Variants in STXBP5L observed in about 807,000 individuals in gnomAD.
STXBP5L encodes the protein syntaxin binding protein 5L, also known as syntaxin-binding protein 5-like.
STXBP5L carries 65 observed loss-of-function variants against 144.5 expected under a neutral mutation model. The ratio of observed to expected loss-of-function variants is 0.45; its 90% CI spans 0.37 to 0.55. The LOEUF (loss-of-function observed/expected upper bound fraction) is 0.55. Ranked by LOEUF, STXBP5L falls within the 20% of genes least tolerant of loss-of-function variation. The probability of loss-of-function intolerance (pLI) is 0.00; values close to 1 mark genes in which losing one functional copy is unlikely to be tolerated. For synonymous variants in STXBP5L, 505 were observed against 469.6 expected, an observed-to-expected ratio of 1.08 and a Z score of -0.97; for missense variants, 1,298 against 1,405.5, an observed-to-expected ratio of 0.92 and a Z score of 1.22.
chr3:121,401,870 T>C (rs1340024459), intron 22 of STXBP5L, among the ~76,000 whole-genome samples: 3 of 113,102 alleles, frequency 2.7e-5, no homozygotes, highest in Non-Finnish European at 5.3e-5. Context: ...AATGTGCACA[T>C]GTACCCTAAA....
chr3:121,041,160 C>T (rs1947125128), intron 3 of STXBP5L, among the ~76,000 whole-genome samples: 2 of 150,240 alleles, frequency 1.3e-5, no homozygotes, highest in African/African-American at 4.9e-5. Flanking sequence ...ATTTATTTTC[C>T]AGTTTTCTCG....
At position 120,959,120 on chromosome 3, in the gene STXBP5L, G is replaced by A. The variant is rs532992171; in HGVS notation, c.287+4083G>A. 2.5e-3 allele frequency among the ~76,000 whole-genome samples: 380 copies of A among 150,284 alleles called. 2 individuals carry two copies. The highest frequency in any genetic ancestry group is 8.7e-3 in the African/African-American group (357 of 41,250). On this transcript the variant is annotated intron_variant, in intron 3 of 26. Transcript: ENST00000471454. ...TTCTTATACACCAAAAACAGACAGA[G>A]AGCCAAATCATGAGTGAACTCCCAT...
intron 9 of STXBP5L, among the ~76,000 whole-genome samples, chr3:121,166,551 C>T (rs1036019224): frequency 3.3e-5 from 5 of 152,068 alleles, no homozygotes; most frequent in Non-Finnish European, 7.4e-5. Context: ...GGGATAATAT[C>T]CTTTATTTCT....
chr3:121,296,438 G>T (rs2051652868), intron 19 of STXBP5L, among the ~76,000 whole-genome samples: 1 of 152,092 alleles, frequency 6.6e-6, no homozygotes, highest in Non-Finnish European at 1.5e-5. Context: ...TTCCAGATAG[G>T]ATGTTAAAAG....
chr3:120,959,266 G>A (rs1221548422), intron 3 of STXBP5L, among the ~76,000 whole-genome samples: 1 of 152,160 alleles, frequency 6.6e-6, no homozygotes, highest in Non-Finnish European at 1.5e-5. Context: ...ACAAACAAAT[G>A]GAAGAACATT....
chr3:121,400,172 G>A (rs2046836841), intron 22 of STXBP5L, among the ~76,000 whole-genome samples: 1 of 152,196 alleles, frequency 6.6e-6, no homozygotes, highest in Admixed American at 6.5e-5. Flanking sequence ...AGACAATGGA[G>A]CATGCACCAG....
rs536405300 is a variant in STXBP5L at position 121,085,224 on chromosome 3, C to T, written c.471-29701C>T. Among the ~76,000 whole-genome samples, 13 of 152,218 alleles carry T rather than the reference C, an allele frequency of 8.5e-5. No individual in the cohort carries two copies. In the South Asian group the frequency reaches 2.7e-3, roughly 32 times the overall value. ...GTGCAGAAGCTCTTTAGTTTAATTA[C>T]ATCCCGTTTGCCAATTTTTGTTTTT... On this transcript the variant is annotated intron_variant, in intron 5 of 26. Transcript: ENST00000471454.
intron 3 of STXBP5L, among the ~76,000 whole-genome samples, chr3:121,018,984 G>C (rs1433637380): frequency 6.6e-6 from 1 of 152,178 alleles, no homozygotes; most frequent in Non-Finnish European, 1.5e-5. Flanking sequence ...CAGATTCTCA[G>C]CCCTGCTCAC....
Position 121,286,831 on chromosome 3 carries a change from GAA to G in STXBP5L, c.2110+6885_2110+6886del, listed in dbSNP as rs34265316. ...TTTAAGACACGGGGTATCAAACAATGAAAAAAAAAAATGATGGGACAGATGGG... is the reference window on the plus strand; with the variant it reads ...TTTAAGACACGGGGTATCAAACAATGAAAAAAAAATGATGGGACAGATGGG... On this transcript the variant is annotated intron_variant, in intron 19 of 26. Transcript: ENST00000471454. Among the ~76,000 whole-genome samples the G allele has an allele frequency of 2.4e-3, 365 of 150,124 alleles. 2 individuals are homozygous for G. Among genetic ancestry groups the G allele is most frequent in the African/African-American group, 8.1e-3 (331 of 40,946 alleles).
intron 2 of STXBP5L, among the ~76,000 whole-genome samples, chr3:120,930,110 G>A (rs139244672): frequency 6.8e-6 from 1 of 146,618 alleles, no homozygotes; most frequent in East Asian, 2.0e-4. Flanking sequence ...CTTATCCTTA[G>A]TGATTTCTTT....
intron 12 of STXBP5L, among the ~76,000 whole-genome samples, chr3:121,234,006 G>C (rs1213294936): frequency 6.6e-6 from 1 of 152,164 alleles, no homozygotes; most frequent in Non-Finnish European, 1.5e-5. Flanking sequence ...TGATAGCTGA[G>C]TAATGGAAAA....
intron 3 of STXBP5L, among the ~76,000 whole-genome samples, chr3:120,958,248 A>T (rs1411973944): frequency 6.6e-6 from 1 of 152,232 alleles, no homozygotes; most frequent in Admixed American, 6.5e-5. Context: ...ACAGGATCTG[A>T]AATTGAGGCA....
intron 5 of STXBP5L, among the ~76,000 whole-genome samples, chr3:121,049,317 G>A (rs1947765623): frequency 6.6e-6 from 1 of 152,160 alleles, no homozygotes; most frequent in Admixed American, 6.5e-5. Flanking sequence ...CTGTCCCAGG[G>A]AAGTGGAGAG....
intron 9 of STXBP5L, among the ~76,000 whole-genome samples, chr3:121,177,826 C>T (rs2046992982): frequency 6.6e-6 from 1 of 152,186 alleles, no homozygotes; most frequent in Admixed American, 6.6e-5. Flanking sequence ...TGTGTATACT[C>T]ATATTCATTG....
chr3:121,057,027 C>G (rs1948509945), intron 5 of STXBP5L, among the ~76,000 whole-genome samples: 1 of 150,206 alleles, frequency 6.7e-6, no homozygotes, highest in Non-Finnish European at 1.5e-5. Flanking sequence ...TATTGTTAAA[C>G]AAATTAGCAA....
chr3:121,258,593 A>G (rs191117912), intron 17 of STXBP5L, among the ~76,000 whole-genome samples: 180 of 152,258 alleles, frequency 1.2e-3, no homozygotes, highest in African/African-American at 4.2e-3. Context: ...GTTTGTTGGG[A>G]AGTATGAGAG....
intron 20 of STXBP5L, among the ~76,000 whole-genome samples, chr3:121,352,236 T>C (rs1195142805): frequency 6.6e-6 from 1 of 152,156 alleles, no homozygotes; most frequent in African/African-American, 2.4e-5. Context: ...CATTGGTAGC[T>C]TGATGGGGAT....
intron 5 of STXBP5L, among the ~76,000 whole-genome samples, chr3:121,093,562 A>G (rs1188545130): frequency 6.6e-6 from 1 of 152,130 alleles, no homozygotes; most frequent in Non-Finnish European, 1.5e-5. Flanking sequence ...ATTTGCGTAG[A>G]GCTGTTTGTA....
chr3:121,223,599 C>G (rs2049035979), intron 11 of STXBP5L, among the ~76,000 whole-genome samples: 1 of 152,164 alleles, frequency 6.6e-6, no homozygotes, highest in African/African-American at 2.4e-5. Flanking sequence ...GCTTCAGATG[C>G]AACTGCAGCA....
Sources: allele counts gnomAD v4.1 joint callset (sites outside exome capture counted in the v4.1 genomes callset), GRCh38; gene constraint gnomAD v4.1.1; transcripts MANE v1.5; gene names NCBI Gene and HGNC (gene_info 2026-07-23, HGNC 2026-07-21).